The following TMEM145 variants were observed in gnomAD, a reference collection of about 807,000 sequenced individuals.
TMEM145 encodes the protein transmembrane protein 145.
A neutral mutation model predicts 68.5 loss-of-function variants in TMEM145; 46 were observed. The observed-to-expected ratio is 0.67, with a 90% CI of 0.53 to 0.86. The LOEUF is 0.86. Ranked by LOEUF, TMEM145 falls within the 40% of genes least tolerant of loss-of-function variation. The probability of loss-of-function intolerance (pLI) is 0.00; values close to 1 mark genes in which losing one functional copy is unlikely to be tolerated. For missense variants in TMEM145, 570 were observed against 645.8 expected (o/e 0.88, Z 1.27); for synonymous variants, 255 against 280.2 (o/e 0.91, Z 0.90).
Position 42,313,478 on chromosome 19 carries a change from C to A in TMEM145, c.102C>A (p.Gly34=), listed in dbSNP as rs2038823515. Reference sequence around the variant, plus strand: ...GCGCCCGGGCCAAGTACGTGCGGGGCAACCTCAGTTCCAAGGAGGTGAGCA... The same window carrying A: ...GCGCCCGGGCCAAGTACGTGCGGGGAAACCTCAGTTCCAAGGAGGTGAGCA... ...PPRARAKYVR[G]NLSSKEDWVF... is the part of the protein sequence containing the mutation. Residue 34 remains glycine, a synonymous_variant, in exon 1 of 15, where the codon GGC becomes GGA. Transcript: ENST00000301204. This position sits in a 1 kb window ranked among gnomAD's most constrained non-coding sequence, Gnocchi z 5.1. 1.5e-6 allele frequency: 2 copies of A among 1,336,874 alleles called. No individual in the cohort carries two copies. Among genetic ancestry groups the A allele is most frequent in the South Asian group, 2.1e-5 (1 of 48,684 alleles). The allele number at this position is 1,336,874 out of a possible 1,614,324, so 82.8% of individuals were successfully genotyped here.
At position 42,324,822 on chromosome 19, in the gene TMEM145, G is replaced by C; in HGVS notation, c.*5G>C. The C allele has an allele frequency of 6.4e-7, 1 of 1,556,488 alleles. No homozygotes were observed. The highest frequency in any genetic ancestry group is 8.6e-7 in the Non-Finnish European group (1 of 1,158,102). ...GGCCCCCTTCGAGACCTCTGACCCC[G>C]CTGGACTCCGGAACACCCGTGGTGA... On this transcript the variant is annotated 3_prime_UTR_variant, in exon 15 of 15. Coordinates refer to ENST00000301204, the MANE Select transcript of TMEM145 (RefSeq NM_173633.3).
At chr19:42,314,429 C>T in intron 2 of TMEM145, 22 bp from the exon 3 acceptor site, 3 of 1,614,100 alleles carry the variant, frequency 1.9e-6, no homozygotes, top group Non-Finnish European at 2.5e-6. Flanking sequence ...AGCTCCCGGT[C>T]CCCAACATCT....
intron 12 of TMEM145, among the ~76,000 whole-genome samples, chr19:42,318,259 T>G (rs2147418256): frequency 6.8e-6 from 1 of 147,132 alleles, no homozygotes; most frequent in African/African-American, 2.5e-5. Context: ...TCCCAGCTGC[T>G]GGGGAGGCTG....
chr19:42,316,848 T>G (rs2038863554), intron 10 of TMEM145, 22 bp from the exon 11 acceptor site: 1 of 1,612,414 alleles, frequency 6.2e-7, no homozygotes, highest in South Asian at 1.1e-5. Context: ...CCCTGCTGTC[T>G]CCCCTCATGG....
rs1360051966 is a variant in TMEM145, at chr19:42,313,360, G to C, written c.-17G>C. 7.6e-6 allele frequency: 8 copies of C among 1,054,930 alleles called. No individual in the cohort carries two copies. The highest frequency in any genetic ancestry group is 2.9e-5 in the South Asian group (1 of 34,474). The allele number at this position is 1,054,930 out of a possible 1,614,324, so 65.3% of individuals were successfully genotyped here. On this transcript the variant is annotated 5_prime_UTR_variant, in exon 1 of 15. Coordinates refer to ENST00000301204, the MANE Select transcript of TMEM145 (RefSeq NM_173633.3). This position sits in a 1 kb window ranked among gnomAD's most constrained non-coding sequence, Gnocchi z 5.1. ...CAGTGCGGGAGCCGGAGCGGAGCCG[G>C]GGCCGGAGCGGGCGGAATGGAGCCC... is the stretch of plus-strand genomic sequence containing the variant.
At position 42,322,289 on chromosome 19, in the gene TMEM145, G is replaced by A. The variant is rs544517409; in HGVS notation, c.1195-1294G>A. 3.9e-5 allele frequency among the ~76,000 whole-genome samples: 6 copies of A among 152,290 alleles called. No homozygotes were observed. In the South Asian group the frequency reaches 1.2e-3, roughly 32 times the overall value. On this transcript the variant is annotated intron_variant, in intron 13 of 14. Transcript: ENST00000301204. ...ATCATGTGCTGGGCTCTGCACCAGTGGTTTTCATTTCCACCCTCTCATCTT... is the reference window on the plus strand; with the variant it reads ...ATCATGTGCTGGGCTCTGCACCAGTAGTTTTCATTTCCACCCTCTCATCTT...
intron 12 of TMEM145, among the ~76,000 whole-genome samples, chr19:42,319,070 T>G (rs978451221): frequency 3.9e-5 from 6 of 151,902 alleles, no homozygotes; most frequent in Non-Finnish European, 8.8e-5. Context: ...GGCAACAGAG[T>G]GAGACTCCAT....
Position 42,316,523 on chromosome 19 carries a change from C to T in TMEM145, c.689C>T (p.Ala230Val), listed in dbSNP as rs919500664. The T allele has an allele frequency of 6.8e-6, 11 of 1,614,058 alleles. No homozygotes were observed. The highest frequency in any genetic ancestry group is 4.0e-5 in the African/African-American group (3 of 74,918). The change falls in exon 9 of 15, where the codon GCC (alanine) becomes GTC (valine). Residue 230 changes from alanine to valine, a missense_variant. Transcript: ENST00000301204. ...TTCTGCATCTACTGGGGTCAATATG[C>T]CACCGATGGCATTGGCAACGAGAGT... ...LFFCIYWGQY[A>V]TDGIGNESVK...
chr19:42,319,869 C>T (rs151011211), intron 12 of TMEM145, among the ~76,000 whole-genome samples: 1 of 151,684 alleles, frequency 6.6e-6, no homozygotes, highest in African/African-American at 2.4e-5. Flanking sequence ...ACGTGATTCC[C>T]CTGCTTCAGC....
At chr19:42,320,951 C>T (rs2147422338) in intron 13 of TMEM145, 2 of 398,766 alleles carry the variant, frequency 5.0e-6, no homozygotes, top group East Asian at 3.6e-5. Flanking sequence ...CTTCTGTTCC[C>T]CTCTCCAACT....
chr19:42,316,914 T>G lies in TMEM145; in HGVS notation c.851T>G (p.Met284Arg). 6.2e-7 allele frequency: 1 copy of G among 1,613,840 alleles called. No homozygotes were observed. The change falls in exon 11 of 15, where the codon ATG becomes AGG. Residue 284 changes from methionine (M) to arginine (R), a missense_variant. Physicochemically the swap from Met to Arg is moderately conservative, Grantham distance 91. Coordinates refer to ENST00000301204, the MANE Select transcript of TMEM145 (RefSeq NM_173633.3). ...GGCTCCGTGAAGTTGTCTGTCTACA[T>G]GACCCTGTACACGCTCACCCATGTG... The part of the protein sequence containing the change: ...HAGSVKLSVY[M>R]TLYTLTHVVL...
At chr19:42,322,205 A>G (rs1309741145) in intron 13 of TMEM145, among the ~76,000 whole-genome samples, 1 of 152,196 alleles carries the variant, frequency 6.6e-6, no homozygotes, top group Non-Finnish European at 1.5e-5. Context: ...AGGCTGGTCT[A>G]TCCTGAAGCT....
intron 14 of TMEM145, chr19:42,324,202 G>T: frequency 1.0e-6 from 1 of 967,854 alleles, no homozygotes; most frequent in Non-Finnish European, 1.2e-6. Flanking sequence ...TTCTCCGGGG[G>T]AGGGGGACGG....
At position 42,315,223 on chromosome 19, in the gene TMEM145, T is replaced by C. The variant is rs2038844055; in HGVS notation, c.541T>C (p.Phe181Leu). 6.2e-7 allele frequency: 1 copy of C among 1,607,602 alleles called. No homozygotes were observed. Residue 181 changes from phenylalanine to leucine, a missense_variant, in exon 7 of 15, where the codon TTC becomes CTC. Phe to Leu is a conservative substitution (Grantham distance 22). Transcript: ENST00000301204. ...LETDVTFLLI[F>L]ILIFFLSCYF... Reference sequence around the variant, plus strand: ...GACAGATGTGACCTTCCTCCTCATCTTCATCCTCATCTTCTTCCTCTCTTG... The same window carrying C: ...GACAGATGTGACCTTCCTCCTCATCCTCATCCTCATCTTCTTCCTCTCTTG...
At chr19:42,321,525 GACT>G (rs772521581) in intron 13 of TMEM145, 58 of 177,668 alleles carry the variant, frequency 3.3e-4, no homozygotes, top group Non-Finnish European at 6.0e-4. Flanking sequence ...TAGTAGCTGG[GACT>G]ACAGGCGCCC....
chr19:42,322,971 G>A (rs2038925399), intron 13 of TMEM145, among the ~76,000 whole-genome samples: 1 of 152,204 alleles, frequency 6.6e-6, no homozygotes. Context: ...CAAGTGCTGG[G>A]ATTACAGGCG....
Position 42,313,792 on chromosome 19 carries a change from G to A in TMEM145, c.120+296G>A, listed in dbSNP as rs2038826654. Among the ~76,000 whole-genome samples the A allele has an allele frequency of 6.6e-6, 1 of 152,086 alleles. No individual in the cohort carries two copies. The highest frequency in any genetic ancestry group is 2.1e-4 in the South Asian group (1 of 4,808). On this transcript the variant is annotated intron_variant, in intron 1 of 14. Coordinates refer to ENST00000301204, the MANE Select transcript of TMEM145 (RefSeq NM_173633.3). The surrounding 1 kb of genome is among the most constrained non-coding windows in gnomAD (Gnocchi z 5.1). ...AGGGTGGTGCAGAGGTGGTGCTGAA[G>A]GGACAGCACTTTTCACTCAGCAGAG...
intron 14 of TMEM145, among the ~76,000 whole-genome samples, chr19:42,324,124 T>G (rs1365199247): frequency 6.6e-6 from 1 of 150,714 alleles, no homozygotes; most frequent in Non-Finnish European, 1.5e-5. Flanking sequence ...CTGGCCCCGC[T>G]GCCCAGGCGC....
chr19:42,323,780 C>T lies in TMEM145; in HGVS notation c.1392C>T (p.Pro464=). ...CGGAGCTCTTCTCCATCCCCCCGCC[C>T]GCCACCTCCGTAAGCCCCGCGGCCC... The part of the protein sequence containing the change: ...NFTELFSIPP[P]ATSPLPRAAP... The change falls in exon 14 of 15, where the codon CCC becomes CCT. Residue 464 remains proline, a synonymous_variant. Coordinates refer to ENST00000301204, the MANE Select transcript of TMEM145 (RefSeq NM_173633.3). 1 of 1,613,874 alleles carries T rather than the reference C, an allele frequency of 6.2e-7. No individual in the cohort carries two copies. Among genetic ancestry groups the T allele is most frequent in the East Asian group, 2.2e-5 (1 of 44,868 alleles).
Sources: gnomAD v4.1 joint callset for allele counts (sites outside exome capture counted in the v4.1 genomes callset) on GRCh38, gnomAD v4.1.1 for gene constraint, Gnocchi (gnomAD v3.1) non-coding constraint, MANE v1.5 for transcripts, NCBI Gene and HGNC (gene_info 2026-07-23, HGNC 2026-07-21) for gene names.